Variants in THOC2 observed in about 807,000 individuals in gnomAD.
THOC2 encodes the protein THO complex 2.
Under a neutral mutation model 128.4 loss-of-function variants are expected in THOC2, and 10 were observed. That is an observed-to-expected ratio of 0.08 (90% confidence interval 0.05 to 0.13). The LOEUF (loss-of-function observed/expected upper bound fraction) is 0.13. THOC2 is among the 10% of genes least tolerant of loss of function. The pLI, the probability that THOC2 is intolerant of heterozygous loss-of-function variation, is 1.00. For synonymous variants in THOC2, 393 were observed against 396.9 expected (o/e 0.99, Z 0.12); for missense variants, 535 against 1,155.7 (o/e 0.46, Z 7.79).
In THOC2 at chrX:123,644,915, A is replaced by G; in HGVS notation, c.1429-6T>C. The G allele has an allele frequency of 8.4e-7, 1 of 1,185,031 alleles. No individual in the cohort carries two copies. The highest frequency in any genetic ancestry group is 1.1e-6 in the Non-Finnish European group (1 of 881,130). ...AAACAGCTAAGGATAACTTCCTAAA[A>G]GAAAGAAGGAAAAGTTATTTCAGTA... On this transcript the variant is annotated splice_polypyrimidine_tract_variant and splice_region_variant and intron_variant, in intron 13 of 38. Coordinates refer to ENST00000245838, the MANE Select transcript of THOC2 (RefSeq NM_001081550.2).
chrX:123,699,455 C>G (rs1179820842), intron 4 of THOC2, among the ~76,000 whole-genome samples: 1 of 111,919 alleles, frequency 8.9e-6, no homozygotes, highest in Non-Finnish European at 1.9e-5. Context: ...CTCATTAAGA[C>G]TTTTAACCCA....
chrX:123,683,294 GA>G (rs760475906), intron 8 of THOC2, among the ~76,000 whole-genome samples: 3 of 108,397 alleles, frequency 2.8e-5, no homozygotes, highest in Non-Finnish European at 3.8e-5. Flanking sequence ...GCATTAAGGG[GA>G]AAAAAAAAGA....
chrX:123,677,432 T>C (rs12852947), intron 8 of THOC2, among the ~76,000 whole-genome samples: 1 of 112,528 alleles, frequency 8.9e-6, no homozygotes, highest in Admixed American at 9.4e-5. Flanking sequence ...TTAGTTACTG[T>C]AACTTTCTTA....
intron 12 of THOC2, among the ~76,000 whole-genome samples, chrX:123,653,086 T>G (rs1028633833): frequency 3.6e-5 from 4 of 111,229 alleles, no homozygotes; most frequent in African/African-American, 1.3e-4. Context: ...CATAGACCAA[T>G]GGAACAGAAC....
At chrX:123,718,628 G>A (rs1315364133) in intron 1 of THOC2, among the ~76,000 whole-genome samples, 1 of 110,000 alleles carries the variant, frequency 9.1e-6, no homozygotes, top group Non-Finnish European at 1.9e-5. Flanking sequence ...GCATGGTGGC[G>A]CATGCCTGTA....
rs1281041332 is a variant in THOC2 at position 123,603,538 on chromosome X, G to A, written c.*19-2200C>T. The A allele has an allele frequency of 5.7e-6, 5 of 876,734 alleles. No individual in the cohort carries two copies. In the Admixed American group the frequency reaches 9.2e-5, roughly 16 times the overall value. 72.3% of individuals were successfully genotyped at this position (876,734 alleles called of 1,213,427 possible). Reference sequence around the variant, plus strand: ...GGACCTTGCTGTAAGAAACTGCCTGGAGGTGAAAATAATGTTCTGAAAATC... The same window carrying A: ...GGACCTTGCTGTAAGAAACTGCCTGAAGGTGAAAATAATGTTCTGAAAATC... On this transcript the variant is annotated intron_variant, in intron 38 of 38. Coordinates refer to ENST00000245838, the MANE Select transcript of THOC2 (RefSeq NM_001081550.2).
chrX:123,624,266 A>T, intron 26 of THOC2, 75 bp from the exon 27 acceptor site: 2 of 970,195 alleles, frequency 2.1e-6, no homozygotes, highest in South Asian at 2.7e-5. Context: ...ACTTAAGTAG[A>T]CTAGATCAAT....
In THOC2 at chrX:123,623,966, C is replaced by G; in HGVS notation, c.3324G>C (p.Ser1108=). 2 of 1,190,055 alleles carry G rather than the reference C, an allele frequency of 1.7e-6. No individual in the cohort carries two copies. Among genetic ancestry groups the G allele is most frequent in the Non-Finnish European group, 2.3e-6 (2 of 886,138 alleles). The change falls in exon 28 of 39, where the codon TCG becomes TCC. Residue 1108 remains serine, a synonymous_variant. Transcript: ENST00000245838. ...ATTCGCCTGTTTCAAGGCAATGTAC[C>G]GATGCCTACAACAAACATTTTCAGA... is the stretch of plus-strand genomic sequence containing the variant. ...HKWHYKLTKA[S]VHCLETGEYT...
intron 12 of THOC2, among the ~76,000 whole-genome samples, chrX:123,652,144 C>T (rs769257167): frequency 1.8e-5 from 2 of 111,937 alleles, no homozygotes; most frequent in Non-Finnish European, 3.8e-5. Context: ...AATCAATAAA[C>T]GTAATCCATC....
intron 8 of THOC2, among the ~76,000 whole-genome samples, chrX:123,678,002 T>A (rs918227512): frequency 3.6e-5 from 4 of 110,893 alleles, no homozygotes; most frequent in Non-Finnish European, 7.5e-5. Context: ...CATCTCCACA[T>A]CTTGTCCCAC....
chrX:123,692,078 G>T (rs781239626), intron 7 of THOC2, among the ~76,000 whole-genome samples: 1 of 111,501 alleles, frequency 9.0e-6, no homozygotes, highest in Non-Finnish European at 1.9e-5. Context: ...TTAGAAGAAA[G>T]GAAAGGAAAG....
At chrX:123,672,492 G>A (rs1304662249) in intron 8 of THOC2, among the ~76,000 whole-genome samples, 2 of 111,409 alleles carry the variant, frequency 1.8e-5, no homozygotes, top group Admixed American at 1.9e-4. Context: ...TAGTGGAGAC[G>A]CAGATAGACA....
At chrX:123,731,213 C>G (rs972617760) in intron 1 of THOC2, among the ~76,000 whole-genome samples, 1 of 111,525 alleles carries the variant, frequency 9.0e-6, no homozygotes, top group Admixed American at 9.5e-5. Context: ...CTAGCACATA[C>G]GAGGATTTGT....
At chrX:123,672,148 GT>G (rs199576948) in intron 8 of THOC2, among the ~76,000 whole-genome samples, 1 of 109,749 alleles carries the variant, frequency 9.1e-6, no homozygotes, top group African/African-American at 3.3e-5. Flanking sequence ...GTTTTGGAGG[GT>G]TTTTTTTGAG....
intron 21 of THOC2, among the ~76,000 whole-genome samples, chrX:123,632,136 T>C (rs954975813): frequency 3.6e-5 from 4 of 111,104 alleles, no homozygotes; most frequent in African/African-American, 1.3e-4. Context: ...ATAATAACCA[T>C]AGGCAAACAG....
intron 12 of THOC2, among the ~76,000 whole-genome samples, chrX:123,649,089 C>A (rs1305517632): frequency 8.9e-6 from 1 of 111,945 alleles, no homozygotes; most frequent in African/African-American, 3.2e-5. Context: ...CTGGCGGGTG[C>A]CCCTCTAGGA....
chrX:123,699,366 G>A (rs180753999), intron 4 of THOC2, among the ~76,000 whole-genome samples: 29 of 111,914 alleles, frequency 2.6e-4, no homozygotes, highest in African/African-American at 8.7e-4. Context: ...CTGTAGCTAA[G>A]CACACAGTTA....
intron 3 of THOC2, among the ~76,000 whole-genome samples, chrX:123,705,466 T>A (rs764958830): frequency 4.5e-5 from 5 of 111,304 alleles, no homozygotes; most frequent in African/African-American, 1.6e-4. Context: ...AGATCAAAAA[T>A]AGAGTAAGAC....
chrX:123,626,043 T>C lies in THOC2; in HGVS notation c.2926A>G (p.Lys976Glu). ...AKSTKNETIT[K>E]FLQLCIFPRC... ...GGAAATATACACAGCTGTAGAAATT[T>C]TGTGATGGTCTCATTTTTGGTAGAT... is the stretch of plus-strand genomic sequence containing the variant. Residue 976 changes from lysine (K) to glutamate (E), a missense_variant, in exon 25 of 39, where the codon AAA (lysine) becomes GAA (glutamate). Physicochemically the swap from Lys to Glu is moderately conservative, Grantham distance 56. Transcript: ENST00000245838. The C allele has an allele frequency of 8.3e-7, 1 of 1,199,171 alleles. No individual in the cohort carries two copies. The highest frequency in any genetic ancestry group is 2.5e-4 in the Middle Eastern group (1 of 4,069).
Sources: allele counts gnomAD v4.1 joint callset (sites outside exome capture counted in the v4.1 genomes callset), GRCh38; gene constraint gnomAD v4.1.1; transcripts MANE v1.5; gene names NCBI Gene and HGNC (gene_info 2026-07-23, HGNC 2026-07-21).